The following VPS41 variants were observed in gnomAD, a reference collection of about 807,000 sequenced individuals.
The protein encoded by VPS41 is VPS41 subunit of HOPS complex.
VPS41 carries 85 observed loss-of-function variants against 130.9 expected under a neutral mutation model. That is an observed-to-expected ratio of 0.65 (90% CI 0.55 to 0.78). The LOEUF (loss-of-function observed/expected upper bound fraction) is 0.78. Ranked by LOEUF, VPS41 falls within the 30% of genes least tolerant of loss-of-function variation. The pLI, the probability that VPS41 is intolerant of heterozygous loss-of-function variation, is 0.00. For synonymous variants in VPS41, 335 were observed against 332.9 expected, an observed-to-expected ratio of 1.01 and a Z score of -0.07; for missense variants, 874 against 1,018.7, an observed-to-expected ratio of 0.86 and a Z score of 1.93.
chr7:38,883,289 T>C (rs1786653506), intron 2 of VPS41, among the ~76,000 whole-genome samples: 1 of 152,160 alleles, frequency 6.6e-6, no homozygotes, highest in Non-Finnish European at 1.5e-5. Flanking sequence ...GAAATTGACC[T>C]GTAGGGTCAA....
At chr7:38,881,945 T>G (rs138698920) in intron 2 of VPS41, among the ~76,000 whole-genome samples, 1 of 152,288 alleles carries the variant, frequency 6.6e-6, no homozygotes, top group East Asian at 1.9e-4. Flanking sequence ...TCTGAATACC[T>G]TTTAATGCCA....
Position 38,743,409 on chromosome 7 carries a change from G to A in VPS41, c.2115C>T (p.Asp705=). The change falls in exon 24 of 29, where the codon GAC becomes GAT. Residue 705 remains aspartate (D), a synonymous_variant. Transcript: ENST00000310301. ...GATGGCTTTTATGCTTACGTGGTTT[G>A]TCAATGGAATATAAAATCAAATCTT... is the stretch of plus-strand genomic sequence containing the variant. ...LWEDLILYSI[D]KPPFITGLLN... is the part of the protein sequence containing the mutation. 1 of 1,613,790 alleles carries A rather than the reference G, an allele frequency of 6.2e-7. No homozygotes were observed. Among genetic ancestry groups the A allele is most frequent in the Non-Finnish European group, 8.5e-7 (1 of 1,179,794 alleles).
intron 2 of VPS41, among the ~76,000 whole-genome samples, chr7:38,871,841 TATAAAG>T (rs1786370123): frequency 6.6e-6 from 1 of 152,256 alleles, no homozygotes; most frequent in East Asian, 1.9e-4. Context: ...TATTATTTTC[TATAAAG>T]ATAGAGACTC....
chr7:38,752,090 G>A lies in VPS41; in HGVS notation c.1926+86C>T. The A allele has an allele frequency of 2.6e-6, 4 of 1,562,014 alleles. No homozygotes were observed. The South Asian group carries it at 4.7e-5, about 18-fold the overall frequency. ...CCCTGGAAAGGGACAGATGAACAGA[G>A]ATAGAAAGAGAAGAAAGACAAACAA... On this transcript the variant is annotated intron_variant, in intron 22 of 28. Transcript: ENST00000310301.
At chr7:38,898,164 G>C (rs1787054235) in intron 1 of VPS41, 35 bp from the exon 2 acceptor site, 1 of 1,574,634 alleles carries the variant, frequency 6.4e-7, no homozygotes, top group Non-Finnish European at 8.7e-7. Context: ...GGTCAGAAGA[G>C]ATGATAAAAG....
chr7:38,792,448 TCACCTTC>T (rs1444022728), intron 9 of VPS41, among the ~76,000 whole-genome samples: 2 of 152,202 alleles, frequency 1.3e-5, no homozygotes, highest in African/African-American at 4.8e-5. Context: ...AAAGGTAGTT[TCACCTTC>T]CAGTATGTTA....
rs1016787332 is a variant in VPS41, at chr7:38,748,225, G to A, written c.1927-2612C>T. On this transcript the variant is annotated intron_variant, in intron 22 of 28. Coordinates refer to ENST00000310301, the MANE Select transcript of VPS41 (RefSeq NM_014396.4). Reference sequence around the variant, plus strand: ...ACACACAACACATGCGCGCGCGTGCGCGCACACACACGCGGACAATGCAGT... The same window carrying A: ...ACACACAACACATGCGCGCGCGTGCACGCACACACACGCGGACAATGCAGT... Among the ~76,000 whole-genome samples the A allele has an allele frequency of 5.3e-5, 8 of 152,074 alleles. No individual in the cohort carries two copies. The South Asian group carries it at 6.2e-4, about 12-fold the overall frequency.
In VPS41 at chr7:38,726,118, A is replaced by C; in HGVS notation, c.*128T>G. The stretch of plus-strand genomic sequence containing the variant: ...CCATTAGTACAGGAATAGATGAAGA[A>C]ATTGTTTTTGAGTATAATATAAACA... On this transcript the variant is annotated 3_prime_UTR_variant, in exon 29 of 29. Transcript: ENST00000310301. 1.5e-6 allele frequency: 1 copy of C among 661,570 alleles called. No homozygotes were observed. The highest frequency in any genetic ancestry group is 2.6e-5 in the Admixed American group (1 of 38,556). 41.0% of individuals were successfully genotyped at this position (661,570 alleles called of 1,614,324 possible).
intron 25 of VPS41, among the ~76,000 whole-genome samples, 188 bp from the exon 26 acceptor site, chr7:38,728,979 T>C (rs1401088722): frequency 6.6e-6 from 1 of 152,180 alleles, no homozygotes; most frequent in Non-Finnish European, 1.5e-5. Context: ...CCAGCCAGGA[T>C]CCACTCATTA....
At chr7:38,859,713 C>T (rs1163470463) in intron 4 of VPS41, among the ~76,000 whole-genome samples, 5 of 152,132 alleles carry the variant, frequency 3.3e-5, no homozygotes, top group South Asian at 2.1e-4. Flanking sequence ...AATTGCCTAA[C>T]GCCACATTTC....
At chr7:38,848,876 T>C (rs1173298272) in intron 4 of VPS41, among the ~76,000 whole-genome samples, 1 of 152,156 alleles carries the variant, frequency 6.6e-6, no homozygotes. Context: ...TCTGGGATAG[T>C]AGATTCCACT....
At chr7:38,773,121 TTCC>T (rs1784188255) in intron 12 of VPS41, among the ~76,000 whole-genome samples, 1 of 152,180 alleles carries the variant, frequency 6.6e-6, no homozygotes, top group Non-Finnish European at 1.5e-5. Context: ...CGATAAATGT[TTCC>T]TCCTCATCAA....
intron 22 of VPS41, among the ~76,000 whole-genome samples, chr7:38,748,353 G>A (rs995611880): frequency 2.0e-5 from 3 of 152,028 alleles, no homozygotes; most frequent in Non-Finnish European, 4.4e-5. Context: ...TGAAGGTAAA[G>A]AATGAAGTTA....
chr7:38,784,489 G>A (rs1054429364), intron 10 of VPS41, among the ~76,000 whole-genome samples: 2 of 152,156 alleles, frequency 1.3e-5, no homozygotes, highest in African/African-American at 4.8e-5. Flanking sequence ...TAAAAAATTA[G>A]CCAGGCATGG....
At chr7:38,908,550 C>G (rs1787319024) in intron 1 of VPS41, among the ~76,000 whole-genome samples, 1 of 152,202 alleles carries the variant, frequency 6.6e-6, no homozygotes, top group South Asian at 2.1e-4. Context: ...AAACCACCCT[C>G]TGAGGACGGC....
chr7:38,890,839 T>C (rs1309552843), intron 2 of VPS41, among the ~76,000 whole-genome samples: 4 of 151,966 alleles, frequency 2.6e-5, no homozygotes, highest in African/African-American at 9.7e-5. Context: ...GCAAGCTCCA[T>C]CATGCCTAGT....
intron 17 of VPS41, among the ~76,000 whole-genome samples, chr7:38,762,411 T>C (rs1783940697): frequency 1.3e-5 from 2 of 152,330 alleles, no homozygotes; most frequent in African/African-American, 4.8e-5. Context: ...TCGTTAATAT[T>C]AAACAAAGCT....
intron 17 of VPS41, 30 bp downstream of exon 17, chr7:38,763,425 A>T (rs1250053559): frequency 6.8e-7 from 1 of 1,460,598 alleles, no homozygotes. Flanking sequence ...ATCGAGAACA[A>T]GTAAATATGA....
Position 38,724,631 on chromosome 7 carries a change from T to A in VPS41, c.*1615A>T, listed in dbSNP as rs1795503523. 7.0e-6 allele frequency: 1 copy of A among 143,218 alleles called. No individual in the cohort carries two copies. The highest frequency in any genetic ancestry group is 1.5e-5 in the Non-Finnish European group (1 of 67,856). 8.9% of individuals were successfully genotyped at this position (143,218 alleles called of 1,614,324 possible). A position where few individuals can be genotyped will look rare whatever the true frequency, so the allele number is the denominator to read the frequency against. On this transcript the variant is annotated 3_prime_UTR_variant, in exon 29 of 29. Transcript: ENST00000310301. Reference sequence around the variant, plus strand: ...TTTTTGAGACGGAGTTTTGCTCTTGTTGCCCAGGCTGGAGTGCAATGGCGC... The same window carrying A: ...TTTTTGAGACGGAGTTTTGCTCTTGATGCCCAGGCTGGAGTGCAATGGCGC...
Sources: allele counts gnomAD v4.1 joint callset (sites outside exome capture counted in the v4.1 genomes callset), GRCh38; gene constraint gnomAD v4.1.1; transcripts MANE v1.5; gene names NCBI Gene and HGNC (gene_info 2026-07-23, HGNC 2026-07-21).